RBM19: variants seen among roughly 807,000 people sequenced by gnomAD.
RBM19 encodes RNA binding motif protein 19, also known as probable RNA-binding protein 19.
Under a neutral mutation model 116.8 loss-of-function variants are expected in RBM19, and 94 were observed. That is an observed-to-expected ratio of 0.80 (90% CI 0.68 to 0.95). RBM19 has a LOEUF of 0.95. RBM19 is among the 40% of genes least tolerant of loss of function. The pLI, the probability that RBM19 is intolerant of heterozygous loss-of-function variation, is 0.00. For missense variants in RBM19, 1,161 were observed against 1,220.7 expected (o/e 0.95, Z 0.73); for synonymous variants, 475 against 494.1 (o/e 0.96, Z 0.51).
At chr12:113,867,598 A>C (rs1878920970) in intron 21 of RBM19, among the ~76,000 whole-genome samples, 1 of 152,180 alleles carries the variant, frequency 6.6e-6, no homozygotes, top group Non-Finnish European at 1.5e-5. Context: ...CTGCTATTTC[A>C]TTCTCTTTGT....
intron 21 of RBM19, among the ~76,000 whole-genome samples, chr12:113,897,992 G>GGTA (rs1208996583): frequency 2.6e-5 from 4 of 152,170 alleles, no homozygotes; most frequent in Admixed American, 2.6e-4. Flanking sequence ...AACTCCAATA[G>GGTA]GTAAATTGCA....
chr12:113,950,662 C>T (rs913812479), intron 8 of RBM19, among the ~76,000 whole-genome samples: 3 of 145,908 alleles, frequency 2.1e-5, no homozygotes, highest in Non-Finnish European at 3.0e-5. Context: ...ACCTGTGAGG[C>T]AACAAGGTGA....
chr12:113,859,368 G>T (rs914051356), intron 21 of RBM19, among the ~76,000 whole-genome samples: 1 of 152,168 alleles, frequency 6.6e-6, no homozygotes. Context: ...AGCACATGGC[G>T]ACCCCAGGCT....
Position 113,918,454 on chromosome 12 carries a change from G to C in RBM19, c.2386-7C>G. 1 of 1,614,112 alleles carries C rather than the reference G, an allele frequency of 6.2e-7. No individual in the cohort carries two copies. The highest frequency in any genetic ancestry group is 8.5e-7 in the Non-Finnish European group (1 of 1,179,972). On this transcript the variant is annotated splice_polypyrimidine_tract_variant and splice_region_variant and intron_variant, in intron 19 of 23. Coordinates refer to ENST00000261741, the MANE Select transcript of RBM19 (RefSeq NM_016196.4). ...GGCCGTCCACGACGTGACCCTAAGA[G>C]AGAAGACAACATGGCTCATCTCTCT...
rs2075387 is a variant in RBM19, at chr12:113,844,691, C to T, written c.2762G>A (p.Arg921Gln). The change falls in exon 23 of 24, where the codon CGG (arginine) becomes CAG (glutamine). Residue 921 changes from arginine to glutamine, a missense_variant. Arg to Gln is a conservative substitution (Grantham distance 43). Coordinates refer to ENST00000261741, the MANE Select transcript of RBM19 (RefSeq NM_016196.4). ...ACCGTGAAAGTGAGCGGCCGTCTTC[C>T]GCCGCAGGGCCTGCAGGGTCACCTC... The part of the protein sequence containing the change: ...DSEVTLQALR[R>Q]KTAAHFHEPP... 0.26 allele frequency: 420,688 copies of T among 1,609,256 alleles called. 56,295 individuals are homozygous for T. The highest frequency in any genetic ancestry group is 0.33 in the Middle Eastern group (2,003 of 6,032).
chr12:113,953,260 G>A (rs769350682), intron 7 of RBM19, among the ~76,000 whole-genome samples: 4 of 152,212 alleles, frequency 2.6e-5, no homozygotes, highest in Admixed American at 6.5e-5. Context: ...AGTCCAAGGC[G>A]GGTGATCACC....
downstream of RBM19, among the ~76,000 whole-genome samples, chr12:113,818,737 G>A (rs1210001755): frequency 6.6e-6 from 1 of 152,214 alleles, no homozygotes; most frequent in Non-Finnish European, 1.5e-5. Flanking sequence ...AGAGCCTAGA[G>A]ATTCTAACGC....
At chr12:113,887,670 A>G (rs1880637981) in intron 21 of RBM19, among the ~76,000 whole-genome samples, 1 of 151,492 alleles carries the variant, frequency 6.6e-6, no homozygotes, top group Non-Finnish European at 1.5e-5. Flanking sequence ...AAAAAAGAAA[A>G]AGCCAACATC....
At position 113,933,905 on chromosome 12, in the gene RBM19, T is replaced by C. The variant is rs1289892699; in HGVS notation, c.2068+3102A>G. Among the ~76,000 whole-genome samples the C allele has an allele frequency of 3.9e-5, 6 of 152,220 alleles. No homozygotes were observed. In the East Asian group the frequency reaches 9.6e-4, roughly 24 times the overall value. On this transcript the variant is annotated intron_variant, in intron 16 of 23. Transcript: ENST00000261741. Reference sequence around the variant, plus strand: ...CCCAGCTCGGCTGCTGGCTTGGGGCTGGTGCCCATGGTGAGTTAAAGACTA... The same window carrying C: ...CCCAGCTCGGCTGCTGGCTTGGGGCCGGTGCCCATGGTGAGTTAAAGACTA...
intron 20 of RBM19, among the ~76,000 whole-genome samples, chr12:113,917,898 T>C (rs1882869182): frequency 6.6e-6 from 1 of 152,192 alleles, no homozygotes; most frequent in Non-Finnish European, 1.5e-5. Flanking sequence ...ATTGGGCAAA[T>C]TGGTCTGCCT....
chr12:113,890,114 T>C (rs1880849425), intron 21 of RBM19, among the ~76,000 whole-genome samples: 1 of 152,136 alleles, frequency 6.6e-6, no homozygotes, highest in East Asian at 1.9e-4. Context: ...TCCTCTCTCA[T>C]TCCCCCCTCC....
intron 21 of RBM19, among the ~76,000 whole-genome samples, chr12:113,889,637 GT>G (rs1263005177): frequency 4.0e-5 from 6 of 149,054 alleles, no homozygotes; most frequent in Non-Finnish European, 7.4e-5. Context: ...GCTGACATTT[GT>G]TTTTCATACT....
At chr12:113,860,230 G>T (rs183796526) in intron 21 of RBM19, among the ~76,000 whole-genome samples, 1 of 152,174 alleles carries the variant, frequency 6.6e-6, no homozygotes, top group Non-Finnish European at 1.5e-5. Flanking sequence ...CCTGCTGGAG[G>T]GGGGCCAGGG....
At chr12:113,922,619 T>TC (rs993444172) in intron 18 of RBM19, among the ~76,000 whole-genome samples, 2 of 151,950 alleles carry the variant, frequency 1.3e-5, no homozygotes, top group Non-Finnish European at 2.9e-5. Flanking sequence ...AATAACTTTT[T>TC]TTTTTTTTTT....
intron 23 of RBM19, among the ~76,000 whole-genome samples, chr12:113,833,406 G>A (rs918750532): frequency 2.6e-5 from 4 of 152,214 alleles, no homozygotes; most frequent in African/African-American, 9.6e-5. Context: ...GATGAGGTCT[G>A]ACAGTGTGAA....
At chr12:113,842,362 C>T (rs923821484) in intron 23 of RBM19, among the ~76,000 whole-genome samples, 3 of 152,254 alleles carry the variant, frequency 2.0e-5, no homozygotes, top group Non-Finnish European at 2.9e-5. Context: ...AAACATTTGC[C>T]GACGGGCGCA....
chr12:113,933,470 C>T (rs1181753937), intron 16 of RBM19, among the ~76,000 whole-genome samples: 3 of 152,188 alleles, frequency 2.0e-5, no homozygotes, highest in African/African-American at 4.8e-5. Flanking sequence ...TCACCGATGA[C>T]GCGGGACACA....
In RBM19 at chr12:113,940,154, C is replaced by T; in HGVS notation, c.1744G>A (p.Ala582Thr). 1.2e-6 allele frequency: 2 copies of T among 1,612,698 alleles called. No homozygotes were observed. The highest frequency in any genetic ancestry group is 1.7e-6 in the Non-Finnish European group (2 of 1,179,080). Residue 582 changes from alanine (A) to threonine (T), a missense_variant, in exon 15 of 24, where the codon GCA becomes ACA. Ala to Thr is a moderately conservative substitution (Grantham distance 58). Transcript: ENST00000261741. ...VSLDSFSQAA[A>T]ERSKTVILVK... is the part of the protein sequence containing the mutation. ...AGAATCACAGTCTTGCTTCGCTCTG[C>T]TGCAGCCTGCAAAGAGGAAATGCAC...
chr12:113,920,236 C>T (rs564806015), intron 19 of RBM19, among the ~76,000 whole-genome samples: 2 of 152,320 alleles, frequency 1.3e-5, no homozygotes, highest in East Asian at 3.9e-4. Context: ...AGTGCCCCAC[C>T]TCCACCCCCA....
Sources: gnomAD v4.1 joint callset for allele counts (sites outside exome capture counted in the v4.1 genomes callset) on GRCh38, gnomAD v4.1.1 for gene constraint, MANE v1.5 for transcripts, NCBI Gene and HGNC (gene_info 2026-07-23, HGNC 2026-07-21) for gene names.